The following ZCCHC24 variants were observed in gnomAD, a reference collection of about 807,000 sequenced individuals.
The protein encoded by ZCCHC24 is zinc finger CCHC-type containing 24.
In ZCCHC24, 10 loss-of-function variants were observed where a neutral mutation model predicts 26.2. That is an observed-to-expected ratio of 0.38 (90% confidence interval 0.24 to 0.65). The LOEUF (loss-of-function observed/expected upper bound fraction) is 0.65. ZCCHC24 is among the 30% of genes least tolerant of loss of function. The probability of loss-of-function intolerance (pLI) is 0.54; values close to 1 mark genes in which losing one functional copy is unlikely to be tolerated. For synonymous variants in ZCCHC24, 144 were observed against 147.1 expected (o/e 0.98, Z 0.15); for missense variants, 243 against 329.1 (o/e 0.74, Z 2.03).
intron 3 of ZCCHC24, among the ~76,000 whole-genome samples, chr10:79,392,512 G>A (rs10458643): frequency 0.43 from 64,709 of 151,968 alleles, 15,577 homozygotes; most frequent in East Asian, 0.83. Context: ...AGCATCCCCC[G>A]TTTTGCCCCT....
intron 1 of ZCCHC24, among the ~76,000 whole-genome samples, chr10:79,437,063 G>C (rs1857225967): frequency 1.3e-5 from 2 of 152,060 alleles, no homozygotes; most frequent in South Asian, 2.1e-4. Flanking sequence ...TTTTGAGACA[G>C]GGTCTTACTG....
At chr10:79,432,346 T>A (rs1420733144) in intron 2 of ZCCHC24, among the ~76,000 whole-genome samples, 3 of 152,198 alleles carry the variant, frequency 2.0e-5, no homozygotes, top group Non-Finnish European at 4.4e-5. Flanking sequence ...CCAACCAGCG[T>A]GGGCCCAAGA....
chr10:79,427,384 T>C (rs1172793585), intron 2 of ZCCHC24, among the ~76,000 whole-genome samples: 1 of 152,168 alleles, frequency 6.6e-6, no homozygotes, highest in African/African-American at 2.4e-5. Context: ...AACAGCAGAA[T>C]ACATTTCTCT....
At chr10:79,407,113 G>A (rs977847762) in intron 2 of ZCCHC24, among the ~76,000 whole-genome samples, 7 of 152,210 alleles carry the variant, frequency 4.6e-5, no homozygotes, top group Non-Finnish European at 8.8e-5. Context: ...TACACCTGCT[G>A]AAGGCAAGCT....
chr10:79,432,534 C>T, intron 2 of ZCCHC24, 24 bp downstream of exon 2: 1 of 1,586,184 alleles, frequency 6.3e-7, no homozygotes, highest in South Asian at 1.1e-5. Flanking sequence ...CCCAAGAGCA[C>T]CCCCTGGGCC....
In ZCCHC24 at chr10:79,384,110, A is replaced by G. The variant is rs1856358907; in HGVS notation, c.*2235T>C. 2 of 152,504 alleles carry G rather than the reference A, an allele frequency of 1.3e-5. No homozygotes were observed. The highest frequency in any genetic ancestry group is 4.1e-4 in the South Asian group (2 of 4,828). The allele number at this position is 152,504 out of a possible 1,614,324, so 9.4% of individuals were successfully genotyped here. On this transcript the variant is annotated 3_prime_UTR_variant, in exon 4 of 4. Coordinates refer to ENST00000372336, the MANE Select transcript of ZCCHC24 (RefSeq NM_153367.4). ...TATGGAAGGTGGGCCTCAAAGCGGG[A>G]ACCCCAGCCCCCAAGGTGGCTGGCT... is the stretch of plus-strand genomic sequence containing the variant.
chr10:79,384,832 C>CA lies in ZCCHC24; in HGVS notation c.*1512dup, dbSNP rs1386762709. 1 of 151,714 alleles carries CA rather than the reference C, an allele frequency of 6.6e-6. No individual in the cohort carries two copies. The highest frequency in any genetic ancestry group is 1.5e-5 in the Non-Finnish European group (1 of 67,862). The allele number at this position is 151,714 out of a possible 1,614,324, so 9.4% of individuals were successfully genotyped here. The stretch of plus-strand genomic sequence containing the variant: ...TCTTGGTCTGATTTTTTTTTTTTCC[C>CA]ACAGAGGCATAATGTAGGGGCAAAA... On this transcript the variant is annotated 3_prime_UTR_variant, in exon 4 of 4. Coordinates refer to ENST00000372336, the MANE Select transcript of ZCCHC24 (RefSeq NM_153367.4).
intron 2 of ZCCHC24, among the ~76,000 whole-genome samples, chr10:79,421,521 T>G (rs1856937204): frequency 6.6e-6 from 1 of 151,834 alleles, no homozygotes; most frequent in South Asian, 2.1e-4. Flanking sequence ...GAGTAATGGG[T>G]GGCAGTATAA....
intron 1 of ZCCHC24, among the ~76,000 whole-genome samples, chr10:79,433,370 T>C (rs2395575): frequency 0.35 from 53,021 of 152,040 alleles, 9,578 homozygotes; most frequent in Middle Eastern, 0.46. Flanking sequence ...AGCCTGGCCC[T>C]AAACCACCTC....
chr10:79,392,144 A>T (rs1856487951), intron 3 of ZCCHC24, among the ~76,000 whole-genome samples: 1 of 151,626 alleles, frequency 6.6e-6, no homozygotes, highest in Non-Finnish European at 1.5e-5. Context: ...CCCCCCAACC[A>T]TCTGCCCTCT....
chr10:79,391,822 C>T (rs1399688356), intron 3 of ZCCHC24, among the ~76,000 whole-genome samples: 1 of 151,514 alleles, frequency 6.6e-6, no homozygotes, highest in Non-Finnish European at 1.5e-5. Flanking sequence ...CCTGCCTCCT[C>T]TGTCTGCTTG....
chr10:79,428,450 A>AAAT (rs1857073537), intron 2 of ZCCHC24, among the ~76,000 whole-genome samples: 1 of 52,590 alleles, frequency 1.9e-5, no homozygotes, highest in South Asian at 3.3e-4. Flanking sequence ...TTTGCAAGAT[A>AAAT]AATTTCAGTT....
intron 3 of ZCCHC24, among the ~76,000 whole-genome samples, chr10:79,390,178 T>C (rs989369867): frequency 2.0e-5 from 3 of 152,182 alleles, no homozygotes; most frequent in East Asian, 1.9e-4. Context: ...GCTGCGATGA[T>C]TGTCTTAAAG....
rs966909304 is a variant in ZCCHC24 at position 79,383,658 on chromosome 10, C to A, written c.*2687G>T. The A allele has an allele frequency of 1.3e-5, 2 of 149,102 alleles. No individual in the cohort carries two copies. The highest frequency in any genetic ancestry group is 5.0e-5 in the African/African-American group (2 of 40,284). 9.2% of individuals were successfully genotyped at this position (149,102 alleles called of 1,614,324 possible). On this transcript the variant is annotated 3_prime_UTR_variant, in exon 4 of 4. Transcript: ENST00000372336. The stretch of plus-strand genomic sequence containing the variant: ...TTTTTTTTTTTTAAAAAAAGGCCCT[C>A]AAATATATACAGACAAAAAATTACT...
chr10:79,445,522 TGTG>T lies in ZCCHC24; in HGVS notation c.-85_-83del. ...GCGGAGGGGCGGGCACCGGGGAGCC[TGTG>T]CCCACTGCCCGCCTCCCGAGCCCCG... On this transcript the variant is annotated 5_prime_UTR_variant, in exon 1 of 4. Transcript: ENST00000372336. 1 of 1,168,584 alleles carries T rather than the reference TGTG, an allele frequency of 8.6e-7. No homozygotes were observed. Among genetic ancestry groups the T allele is most frequent in the Non-Finnish European group, 1.1e-6 (1 of 930,196 alleles). 72.4% of individuals were successfully genotyped at this position (1,168,584 alleles called of 1,614,324 possible).
intron 2 of ZCCHC24, among the ~76,000 whole-genome samples, chr10:79,419,550 A>C (rs747681989): frequency 4.6e-5 from 7 of 152,196 alleles, no homozygotes; most frequent in Non-Finnish European, 1.5e-5. Context: ...GAGTTACTCC[A>C]AGACAAAGGA....
intron 2 of ZCCHC24, among the ~76,000 whole-genome samples, chr10:79,426,466 A>C (rs1404760942): frequency 6.6e-6 from 1 of 152,224 alleles, no homozygotes; most frequent in Non-Finnish European, 1.5e-5. Context: ...ACGTCCAAGC[A>C]CTTCAACAGA....
In ZCCHC24 at chr10:79,386,317, G is replaced by C; in HGVS notation, c.*28C>G. On this transcript the variant is annotated 3_prime_UTR_variant, in exon 4 of 4. Transcript: ENST00000372336. ...CAGCGTCTCCTCGGGCTGGCGGGGG[G>C]TGGCTCTGGGTGCGGGCGGGCAGCC... 2.5e-6 allele frequency: 4 copies of C among 1,602,294 alleles called. No homozygotes were observed. The highest frequency in any genetic ancestry group is 3.4e-6 in the Non-Finnish European group (4 of 1,172,762).
intron 3 of ZCCHC24, 41 bp downstream of exon 3, chr10:79,394,235 C>A: frequency 6.3e-7 from 1 of 1,596,690 alleles, no homozygotes; most frequent in Non-Finnish European, 8.5e-7. Context: ...AAGTTGCCCT[C>A]CCGCGGTCCT....
Sources: allele counts gnomAD v4.1 joint callset (sites outside exome capture counted in the v4.1 genomes callset), GRCh38; gene constraint gnomAD v4.1.1; transcripts MANE v1.5; gene names NCBI Gene and HGNC (gene_info 2026-07-23, HGNC 2026-07-21).